AGBL1: variants seen among roughly 807,000 people sequenced by gnomAD.
The protein encoded by AGBL1 is AGBL carboxypeptidase 1.
A neutral mutation model predicts 118.9 loss-of-function variants in AGBL1; 130 were observed. That is an observed-to-expected ratio of 1.09 (90% CI 0.95 to 1.26). The LOEUF (loss-of-function observed/expected upper bound fraction) is 1.26, where lower values mean the gene tolerates loss of function less well. Ranked by LOEUF, AGBL1 falls within the 50% of genes most tolerant of loss-of-function variation. The pLI is 0.00. For synonymous variants in AGBL1, 555 were observed against 478.9 expected (o/e 1.16, Z -2.08); for missense variants, 1,584 against 1,298.1 (o/e 1.22, Z -3.38).
intron 17 of AGBL1, chr15:86,296,479 G>T (rs148577150): frequency 6.6e-6 from 1 of 152,124 alleles, no homozygotes; most frequent in Non-Finnish European, 1.5e-5. Flanking sequence ...AGCCTTCTCT[G>T]AGGAAGATAC....
chr15:86,965,560 A>C (rs906377856), intron 23 of AGBL1, among the ~76,000 whole-genome samples: 1 of 151,404 alleles, frequency 6.6e-6, no homozygotes, highest in Non-Finnish European at 1.5e-5. Context: ...GATTGAAAAA[A>C]TTTTCTCCCA....
Position 86,874,177 on chromosome 15 carries a change from G to C in AGBL1, c.3159-32910G>C, listed in dbSNP as rs868682669. On this transcript the variant is annotated intron_variant, in intron 22 of 22. Transcript: ENST00000614907. ...TAATATCATGAAAAAGGCTTCTATG[G>C]AGAGCCAAAATTATGTCAATATTTT... is the stretch of plus-strand genomic sequence containing the variant. Among the ~76,000 whole-genome samples the C allele has an allele frequency of 3.3e-5, 5 of 152,154 alleles. 1 individual carries two copies. The highest frequency in any genetic ancestry group is 6.8e-3 in the Middle Eastern group (2 of 294).
intron 22 of AGBL1, among the ~76,000 whole-genome samples, chr15:86,872,736 A>C (rs2079747644): frequency 6.6e-6 from 1 of 152,238 alleles, no homozygotes; most frequent in South Asian, 2.1e-4. Flanking sequence ...AGCCTGGGCG[A>C]CAGAGTGAGA....
chr15:86,811,212 C>T (rs751774602), intron 22 of AGBL1, among the ~76,000 whole-genome samples: 34 of 152,172 alleles, frequency 2.2e-4, no homozygotes, highest in Non-Finnish European at 4.1e-4. Flanking sequence ...GGCCAAGGAA[C>T]TCAGTCTTCT....
At chr15:86,682,228 A>G (rs1404092864) in intron 22 of AGBL1, among the ~76,000 whole-genome samples, 1 of 152,212 alleles carries the variant, frequency 6.6e-6, no homozygotes, top group East Asian at 1.9e-4. Flanking sequence ...TATGAGTACC[A>G]TATCCTGCTT....
chr15:86,626,721 T>C (rs145169331), intron 21 of AGBL1, among the ~76,000 whole-genome samples: 1 of 152,100 alleles, frequency 6.6e-6, no homozygotes, highest in African/African-American at 2.4e-5. Flanking sequence ...TTGAAGTGTG[T>C]AGGGGACATA....
intron 4 of AGBL1, 99 bp from the exon 5 acceptor site, chr15:86,158,834 C>G: frequency 1.0e-6 from 1 of 983,166 alleles, no homozygotes; most frequent in South Asian, 1.4e-5. Context: ...TCTTGTTTAT[C>G]AAGTTGCCCC....
At chr15:86,223,280 C>T (rs548163357) in intron 5 of AGBL1, among the ~76,000 whole-genome samples, 2 of 152,266 alleles carry the variant, frequency 1.3e-5, no homozygotes, top group African/African-American at 4.8e-5. Context: ...GAGACCTGGC[C>T]TCTGAACTAG....
intron 21 of AGBL1, among the ~76,000 whole-genome samples, chr15:86,659,469 G>A (rs529429644): frequency 6.6e-6 from 1 of 152,250 alleles, no homozygotes; most frequent in East Asian, 1.9e-4. Context: ...TCATCTCTGT[G>A]CCCAATATTG....
intron 9 of AGBL1, 59 bp downstream of exon 9, chr15:86,258,090 T>C: frequency 6.5e-7 from 1 of 1,542,602 alleles, no homozygotes; most frequent in Non-Finnish European, 8.8e-7. Context: ...CACAGAAAAA[T>C]ATTACTTCCT....
chr15:86,095,622 C>T (rs1314524578), intron 1 of AGBL1, among the ~76,000 whole-genome samples: 2 of 143,466 alleles, frequency 1.4e-5, no homozygotes, highest in Non-Finnish European at 3.0e-5. Flanking sequence ...TTTACCATAT[C>T]ATAATGTCAC....
intron 23 of AGBL1, among the ~76,000 whole-genome samples, chr15:86,940,090 G>C (rs1799506755): frequency 1.9e-5 from 1 of 52,388 alleles, no homozygotes; most frequent in South Asian, 7.5e-4. Context: ...TTTTTTTTTG[G>C]TAGAGACGGG....
At chr15:86,217,322 T>G (rs1292671935) in intron 5 of AGBL1, among the ~76,000 whole-genome samples, 1 of 152,196 alleles carries the variant, frequency 6.6e-6, no homozygotes, top group East Asian at 1.9e-4. Flanking sequence ...CTAAGGCTCT[T>G]AGACCAGTGC....
At chr15:86,365,792 G>A (rs1275160503) in intron 17 of AGBL1, among the ~76,000 whole-genome samples, 2 of 151,956 alleles carry the variant, frequency 1.3e-5, no homozygotes, top group Non-Finnish European at 2.9e-5. Context: ...ACATTTCTGG[G>A]GTAAGGGAGT....
At chr15:86,565,721 C>T (rs1422770186) in intron 21 of AGBL1, among the ~76,000 whole-genome samples, 1 of 152,244 alleles carries the variant, frequency 6.6e-6, no homozygotes, top group African/African-American at 2.4e-5. Flanking sequence ...TATGCCCTGC[C>T]TCCAGAGGTG....
rs150973487 is a variant in AGBL1 at position 86,171,604 on chromosome 15, C to T, written c.488+12578C>T. 3.0e-3 allele frequency among the ~76,000 whole-genome samples: 459 copies of T among 152,148 alleles called. 1 individual carries two copies. Among genetic ancestry groups the T allele is most frequent in the Middle Eastern group, 6.8e-3 (2 of 294 alleles). On this transcript the variant is annotated intron_variant, in intron 5 of 22. Coordinates refer to ENST00000614907, the MANE Select transcript of AGBL1 (RefSeq NM_001386094.1). ...TTGAAGGACAGGTGTCACAAATAGA[C>T]AAAAAATTAACAGGAATGTAGACTT...
chr15:86,582,273 A>T (rs2084181737), intron 21 of AGBL1, among the ~76,000 whole-genome samples: 1 of 152,192 alleles, frequency 6.6e-6, no homozygotes, highest in Non-Finnish European at 1.5e-5. Context: ...AGACTTGGTT[A>T]TCTAAGTTAC....
intron 23 of AGBL1, among the ~76,000 whole-genome samples, chr15:86,986,324 G>T (rs916777640): frequency 6.6e-6 from 1 of 152,106 alleles, no homozygotes. Context: ...ATTGACATGT[G>T]GGTATTTATT....
chr15:86,462,316 A>G (rs28537955), intron 18 of AGBL1, among the ~76,000 whole-genome samples: 13,254 of 152,180 alleles, frequency 0.087, 1,476 homozygotes, highest in African/African-American at 0.26. Context: ...TGTCATCTAC[A>G]CAGACAAGCC....
Sources: allele counts gnomAD v4.1 joint callset (sites outside exome capture counted in the v4.1 genomes callset), GRCh38; gene constraint gnomAD v4.1.1; transcripts MANE v1.5; gene names NCBI Gene and HGNC (gene_info 2026-07-23, HGNC 2026-07-21).